The following OR11G2 variants were observed in gnomAD, a reference collection of about 807,000 sequenced individuals.
OR11G2 encodes olfactory receptor family 11 subfamily G member 2, also known as olfactory receptor 11G2.
OR11G2 carries 2 observed loss-of-function variants against 0.9 expected under a neutral mutation model. The ratio of observed to expected loss-of-function variants is 2.35; its 90% CI spans 0.96 to 7.38. The LOEUF is 7.38. OR11G2 is among the 30% of genes most tolerant of loss of function. The probability of loss-of-function intolerance (pLI) is 0.05; values close to 1 mark genes in which losing one functional copy is unlikely to be tolerated. For synonymous variants in OR11G2, 153 were observed against 142.0 expected (o/e 1.08, Z -0.55); for missense variants, 395 against 371.3 (o/e 1.06, Z -0.52).
chr14:20,200,827 C>G lies in OR11G2; in HGVS notation c.*2454C>G, dbSNP rs777736499. On this transcript the variant is annotated 3_prime_UTR_variant, in exon 2 of 2. Coordinates refer to ENST00000641879, the MANE Select transcript of OR11G2 (RefSeq NM_001386033.1). ...TGTCTTCAATTTATAAACTATGAAG[C>G]AGTTCCATATGCAATGATATATAAT... 5 of 152,174 alleles carry G rather than the reference C, an allele frequency of 3.3e-5. No individual in the cohort carries two copies. Among genetic ancestry groups the G allele is most frequent in the Non-Finnish European group, 5.9e-5 (4 of 68,040 alleles). The allele number at this position is 152,174 out of a possible 1,614,324, so 9.4% of individuals were successfully genotyped here.
At chr14:20,194,575 T>C (rs1358884210) in intron 1 of OR11G2, among the ~76,000 whole-genome samples, 1 of 152,130 alleles carries the variant, frequency 6.6e-6, no homozygotes, top group Non-Finnish European at 1.5e-5. Context: ...TTAGGAACAC[T>C]AGCAAAAAAA....
chr14:20,198,731 G>GAA lies in OR11G2; in HGVS notation c.*375_*376dup, dbSNP rs35857357. ...GCGACAGAGCGAGACTCTGTCTCAG[G>GAA]AAAAAAAAAAAAAAAAAACTGGTCT... On this transcript the variant is annotated 3_prime_UTR_variant, in exon 2 of 2. Transcript: ENST00000641879. 13,155 of 128,524 alleles carry GAA rather than the reference G, an allele frequency of 0.1. 764 individuals are homozygous for GAA. Among genetic ancestry groups the GAA allele is most frequent in the Non-Finnish European group, 0.14 (8,489 of 61,522 alleles). The allele number at this position is 128,524 out of a possible 1,614,324, so 8.0% of individuals were successfully genotyped here. A position where few individuals can be genotyped will look rare whatever the true frequency, so the allele number is the denominator to read the frequency against.
intron 1 of OR11G2, among the ~76,000 whole-genome samples, chr14:20,195,106 A>G (rs1485355428): frequency 6.6e-6 from 1 of 152,198 alleles, no homozygotes; most frequent in Non-Finnish European, 1.5e-5. Flanking sequence ...ACCAAAAGCC[A>G]AGTACATTTA....
intron 1 of OR11G2, among the ~76,000 whole-genome samples, 151 bp downstream of exon 1, chr14:20,191,817 C>T (rs1566351931): frequency 6.6e-6 from 1 of 151,616 alleles, no homozygotes; most frequent in Non-Finnish European, 1.5e-5. Context: ...CTCTCAAAGT[C>T]GAAAAATTGC....
intron 1 of OR11G2, among the ~76,000 whole-genome samples, chr14:20,195,865 A>G (rs995670514): frequency 2.6e-5 from 4 of 152,332 alleles, no homozygotes; most frequent in African/African-American, 9.6e-5. Context: ...GAGCATACGC[A>G]TCATAAATAC....
Position 20,200,578 on chromosome 14 carries a change from ACT to A in OR11G2, c.*2208_*2209del, listed in dbSNP as rs1879882950. 1 of 152,128 alleles carries A rather than the reference ACT, an allele frequency of 6.6e-6. No homozygotes were observed. The highest frequency in any genetic ancestry group is 1.5e-5 in the Non-Finnish European group (1 of 68,020). The allele number at this position is 152,128 out of a possible 1,614,324, so 9.4% of individuals were successfully genotyped here. ...GCTGGTGGGCGTATCAGCTTTACAAACTCTATATAGGGTGACAAGGCAACCTC... is the reference window on the plus strand; with the variant it reads ...GCTGGTGGGCGTATCAGCTTTACAAACTATATAGGGTGACAAGGCAACCTC... On this transcript the variant is annotated 3_prime_UTR_variant, in exon 2 of 2. Transcript: ENST00000641879.
At chr14:20,193,999 GT>G (rs1039485149) in intron 1 of OR11G2, among the ~76,000 whole-genome samples, 40 of 152,120 alleles carry the variant, frequency 2.6e-4, no homozygotes, top group Admixed American at 2.5e-3. Context: ...CAGCGCTTGT[GT>G]TAGTGGAGCA....
intron 1 of OR11G2, among the ~76,000 whole-genome samples, chr14:20,195,146 A>G (rs1003312505): frequency 7.2e-5 from 11 of 152,256 alleles, no homozygotes; most frequent in Admixed American, 3.9e-4. Context: ...ATGTTAAAAT[A>G]GAGTCTGACA....
Position 20,198,873 on chromosome 14 carries a change from GT to G in OR11G2, c.*506del, listed in dbSNP as rs1220946435. The G allele has an allele frequency of 6.6e-6, 1 of 152,356 alleles. No homozygotes were observed. The highest frequency in any genetic ancestry group is 1.5e-5 in the Non-Finnish European group (1 of 68,230). 9.4% of individuals were successfully genotyped at this position (152,356 alleles called of 1,614,324 possible). On this transcript the variant is annotated 3_prime_UTR_variant, in exon 2 of 2. Coordinates refer to ENST00000641879, the MANE Select transcript of OR11G2 (RefSeq NM_001386033.1). ...GCCCAGTTGTGTAACATGCCTCAAT[GT>G]TTTTTAATTGACTGGTGGGCATTGT...
chr14:20,197,660 A>G lies in OR11G2; in HGVS notation c.223A>G (p.Ile75Val). ...ILLANFSFLE[I>V]CYVTSTVPSM... ...GCTCGCCAACTTCTCCTTCTTGGAG[A>G]TATGTTATGTCACCTCCACAGTCCC... is the stretch of plus-strand genomic sequence containing the variant. Residue 75 changes from isoleucine (I) to valine (V), a missense_variant, in exon 2 of 2, where the codon ATA becomes GTA. Coordinates refer to ENST00000641879, the MANE Select transcript of OR11G2 (RefSeq NM_001386033.1). The G allele has an allele frequency of 6.2e-7, 1 of 1,613,840 alleles. No individual in the cohort carries two copies. Among genetic ancestry groups the G allele is most frequent in the Non-Finnish European group, 8.5e-7 (1 of 1,179,884 alleles).
chr14:20,197,408 A>G (rs1414763343), intron 1 of OR11G2, 26 bp from the exon 2 acceptor site: 20 of 1,612,600 alleles, frequency 1.2e-5, no homozygotes, highest in Non-Finnish European at 1.6e-5. Context: ...TCATTCAGTA[A>G]TTGCTGGTGC....
intron 1 of OR11G2, among the ~76,000 whole-genome samples, chr14:20,195,462 C>T (rs1185937621): frequency 6.6e-6 from 1 of 152,186 alleles, no homozygotes; most frequent in Non-Finnish European, 1.5e-5. Context: ...ATTGCTTGAA[C>T]CCAGGAGGCG....
Position 20,199,647 on chromosome 14 carries a change from T to C in OR11G2, c.*1274T>C, listed in dbSNP as rs1158029767. 1 of 152,240 alleles carries C rather than the reference T, an allele frequency of 6.6e-6. No individual in the cohort carries two copies. Among genetic ancestry groups the C allele is most frequent in the African/African-American group, 2.4e-5 (1 of 41,456 alleles). The allele number at this position is 152,240 out of a possible 1,614,324, so 9.4% of individuals were successfully genotyped here. A position where few individuals can be genotyped will look rare whatever the true frequency, so the allele number is the denominator to read the frequency against. On this transcript the variant is annotated 3_prime_UTR_variant, in exon 2 of 2. Coordinates refer to ENST00000641879, the MANE Select transcript of OR11G2 (RefSeq NM_001386033.1). ...TTATTTTGGGTTTAGTACAAGTTTT[T>C]CAGTCATGACCAGAAAGTTTTTTCT...
At chr14:20,193,828 TCA>T (rs969161367) in intron 1 of OR11G2, among the ~76,000 whole-genome samples, 3 of 152,204 alleles carry the variant, frequency 2.0e-5, no homozygotes, top group Non-Finnish European at 4.4e-5. Context: ...GGTGTGAGTA[TCA>T]CAGAGATGGA....
At position 20,198,125 on chromosome 14, in the gene OR11G2, T is replaced by C. The variant is rs2139115116; in HGVS notation, c.688T>C (p.Leu230=). 6.2e-7 allele frequency: 1 copy of C among 1,614,174 alleles called. No individual in the cohort carries two copies. Among genetic ancestry groups the C allele is most frequent in the South Asian group, 1.1e-5 (1 of 91,078 alleles). ...CTATGCTCTGGTCGTGAGAGCTGTG[T>C]TGAGGGTCCCTTCAGCAGCTGGGAG... ...GSYALVVRAV[L]RVPSAAGRRK... is the part of the protein sequence containing the mutation. Residue 230 remains leucine (L), a synonymous_variant, in exon 2 of 2, where the codon TTG becomes CTG. Transcript: ENST00000641879.
chr14:20,197,211 G>A (rs183143274), intron 1 of OR11G2: 47 of 632,952 alleles, frequency 7.4e-5, no homozygotes, highest in Admixed American at 4.1e-4. Context: ...TGAGCCTATG[G>A]TAAAAATGTG....
intron 1 of OR11G2, among the ~76,000 whole-genome samples, chr14:20,196,384 G>A (rs1879753425): frequency 1.3e-5 from 2 of 152,198 alleles, no homozygotes; most frequent in African/African-American, 4.8e-5. Flanking sequence ...AAACATAGAA[G>A]GAGGGACACA....
chr14:20,198,457 G>A lies in OR11G2; in HGVS notation c.*84G>A, dbSNP rs1049781082. ...AAAAAAACTGGTCTTGGCCAGGCGC[G>A]GTGGCTTACGCCTGTAATCCCAGCA... On this transcript the variant is annotated 3_prime_UTR_variant, in exon 2 of 2. Coordinates refer to ENST00000641879, the MANE Select transcript of OR11G2 (RefSeq NM_001386033.1). The A allele has an allele frequency of 2.5e-5, 25 of 1,017,834 alleles. No homozygotes were observed. The highest frequency in any genetic ancestry group is 1.6e-4 in the African/African-American group (10 of 61,744). The allele number at this position is 1,017,834 out of a possible 1,614,324, so 63.1% of individuals were successfully genotyped here. A position where few individuals can be genotyped will look rare whatever the true frequency, so the allele number is the denominator to read the frequency against.
chr14:20,196,465 A>T (rs1260793757), intron 1 of OR11G2, among the ~76,000 whole-genome samples: 3 of 152,236 alleles, frequency 2.0e-5, no homozygotes, highest in Non-Finnish European at 4.4e-5. Context: ...GCTTGATTAC[A>T]TGATTGTTTC....
Sources: gnomAD v4.1 joint callset for allele counts (sites outside exome capture counted in the v4.1 genomes callset) on GRCh38, gnomAD v4.1.1 for gene constraint, MANE v1.5 for transcripts, NCBI Gene and HGNC (gene_info 2026-07-23, HGNC 2026-07-21) for gene names.